Variants in UBP1 observed in about 807,000 individuals in gnomAD.
UBP1 encodes the protein upstream binding protein 1, also known as upstream-binding protein 1.
In UBP1, 22 loss-of-function variants were observed where a neutral mutation model predicts 76.1. The observed-to-expected ratio is 0.29, with a 90% confidence interval of 0.21 to 0.41. UBP1 has a LOEUF of 0.41. Ranked by LOEUF, UBP1 falls within the 10% of genes least tolerant of loss-of-function variation. The pLI is 1.00. For synonymous variants in UBP1, 224 were observed against 237.1 expected, an observed-to-expected ratio of 0.94 and a Z score of 0.51; for missense variants, 436 against 668.1, an observed-to-expected ratio of 0.65 and a Z score of 3.83.
Position 33,425,738 on chromosome 3 carries a change from A to T in UBP1, c.117T>A (p.Asp39Glu). 1 of 1,576,582 alleles carries T rather than the reference A, an allele frequency of 6.3e-7. No individual in the cohort carries two copies. Among genetic ancestry groups the T allele is most frequent in the Non-Finnish European group, 8.7e-7 (1 of 1,151,270 alleles). The change falls in exon 2 of 16, where the codon GAT (aspartate) becomes GAA (glutamate). Residue 39 changes from aspartate to glutamate, a missense_variant. Around this residue, in one of 3 missense-constraint regions of UBP1, gnomAD observed 161 missense variants for 237.9 expected, o/e 0.68. Coordinates refer to ENST00000283629, the MANE Select transcript of UBP1 (RefSeq NM_014517.5). ...ELGAGAYSMS[D>E]VLALPIFKQE... ...GCTTGAAAATGGGCAATGCCAAGAC[A>T]TCACTGAAAAGCAAAAAATCAACAC...
intron 2 of UBP1, among the ~76,000 whole-genome samples, chr3:33,417,109 C>G (rs138075151): frequency 6.6e-6 from 1 of 152,306 alleles, no homozygotes; most frequent in East Asian, 1.9e-4. Flanking sequence ...TTACCTAAGA[C>G]TAATTTTTGT....
chr3:33,434,195 A>G (rs1302939118), intron 1 of UBP1, among the ~76,000 whole-genome samples: 1 of 152,044 alleles, frequency 6.6e-6, no homozygotes, highest in African/African-American at 2.4e-5. Flanking sequence ...AAAAATCTAT[A>G]GACAAACAAT....
intron 1 of UBP1, among the ~76,000 whole-genome samples, 200 bp from the exon 2 acceptor site, chr3:33,425,941 A>C (rs1347384361): frequency 6.9e-6 from 1 of 145,084 alleles, no homozygotes; most frequent in African/African-American, 2.6e-5. Flanking sequence ...AAAGGATGGC[A>C]TTAACAACCC....
At chr3:33,437,717 G>A (rs1354042861) in intron 1 of UBP1, among the ~76,000 whole-genome samples, 2 of 152,156 alleles carry the variant, frequency 1.3e-5, no homozygotes, top group African/African-American at 4.8e-5. Context: ...TGCTCAAGCT[G>A]GCCATTCATA....
Position 33,425,757 on chromosome 3 carries a change from T to G in UBP1, c.114-16A>C, listed in dbSNP as rs1265276550. 6.4e-7 allele frequency: 1 copy of G among 1,565,976 alleles called. No homozygotes were observed. The highest frequency in any genetic ancestry group is 1.3e-5 in the African/African-American group (1 of 74,362). On this transcript the variant is annotated splice_polypyrimidine_tract_variant and intron_variant, in intron 1 of 15. Coordinates refer to ENST00000283629, the MANE Select transcript of UBP1 (RefSeq NM_014517.5). Reference sequence around the variant, plus strand: ...CAAGACATCACTGAAAAGCAAAAAATCAACACTGACCTTACTTTGGGTTTG... The same window carrying G: ...CAAGACATCACTGAAAAGCAAAAAAGCAACACTGACCTTACTTTGGGTTTG...
intron 8 of UBP1, chr3:33,403,434 C>A (rs990774268): frequency 4.2e-5 from 7 of 168,014 alleles, no homozygotes; most frequent in Non-Finnish European, 2.6e-5. Context: ...TCAAGACAGA[C>A]CAGACAGGCC....
chr3:33,428,181 C>CAAAAAAAAAAAAAA (rs59049122), intron 1 of UBP1, among the ~76,000 whole-genome samples: 1 of 57,236 alleles, frequency 1.7e-5, no homozygotes. Context: ...GATTCCATCT[C>CAAAAAAAAAAAAAA]AAAAAAAAAA....
rs1256713409 is a variant in UBP1, at chr3:33,411,566, T to C, written c.555+15A>G. Reference sequence around the variant, plus strand: ...AACTAGGTTAGTAAGCTTCTAATAATGTAAAAATCCAAACCTGAATGAAAG... The same window carrying C: ...AACTAGGTTAGTAAGCTTCTAATAACGTAAAAATCCAAACCTGAATGAAAG... On this transcript the variant is annotated intron_variant, in intron 5 of 15. Coordinates refer to ENST00000283629, the MANE Select transcript of UBP1 (RefSeq NM_014517.5). The C allele has an allele frequency of 1.2e-6, 2 of 1,610,930 alleles. No homozygotes were observed. Among genetic ancestry groups the C allele is most frequent in the East Asian group, 2.2e-5 (1 of 44,850 alleles).
Position 33,439,717 on chromosome 3 carries a change from C to T in UBP1, c.113+19G>A. 1 of 1,609,340 alleles carries T rather than the reference C, an allele frequency of 6.2e-7. No individual in the cohort carries two copies. The highest frequency in any genetic ancestry group is 8.5e-7 in the Non-Finnish European group (1 of 1,177,942). On this transcript the variant is annotated intron_variant, in intron 1 of 15. Coordinates refer to ENST00000283629, the MANE Select transcript of UBP1 (RefSeq NM_014517.5). ...CCCCAAGGAGACAGAGGCTTCTCCC[C>T]GCCCAGGGAGCCCAGTACCTCATGC...
At chr3:33,397,382 G>C (rs2044042184) in intron 11 of UBP1, 2 of 340,346 alleles carry the variant, frequency 5.9e-6, no homozygotes, top group Non-Finnish European at 1.1e-5. Flanking sequence ...TCAAATCAAT[G>C]AGAGCAGGGC....
At chr3:33,403,238 C>A in intron 8 of UBP1, 1 of 241,708 alleles carries the variant, frequency 4.1e-6, no homozygotes, top group Non-Finnish European at 8.2e-6. Context: ...TATCAGTTTC[C>A]CAACAGGCAC....
intron 13 of UBP1, among the ~76,000 whole-genome samples, chr3:33,394,517 T>TTCCA (rs144129108): frequency 0.3 from 44,894 of 151,856 alleles, 7,647 homozygotes; most frequent in East Asian, 0.5. Flanking sequence ...CCCAGCCACA[T>TTCCA]TCCAGTGTTC....
chr3:33,428,181 C>CAA (rs59049122), intron 1 of UBP1, among the ~76,000 whole-genome samples: 10,472 of 56,012 alleles, frequency 0.19, 1,278 homozygotes, highest in Admixed American at 0.2. Flanking sequence ...GATTCCATCT[C>CAA]AAAAAAAAAA....
intron 4 of UBP1, among the ~76,000 whole-genome samples, 162 bp downstream of exon 4, chr3:33,412,560 C>T (rs777796198): frequency 2.7e-5 from 4 of 145,570 alleles, no homozygotes; most frequent in African/African-American, 7.7e-5. Context: ...TTATCCTGGG[C>T]GAGAGAGCAA....
intron 8 of UBP1, chr3:33,403,390 T>C (rs2044303446): frequency 5.2e-6 from 1 of 192,912 alleles, no homozygotes; most frequent in Admixed American, 5.4e-5. Context: ...CAGTACCCAT[T>C]TGCTTCTCTG....
intron 14 of UBP1, 94 bp from the exon 15 acceptor site, chr3:33,392,708 C>CTCAA (rs1001447944): frequency 3.5e-5 from 43 of 1,227,804 alleles, no homozygotes; most frequent in Non-Finnish European, 4.5e-5. Context: ...CTCAAACAAA[C>CTCAA]ACAGGACTCA....
intron 15 of UBP1, 107 bp downstream of exon 15, chr3:33,392,456 A>G (rs781731744): frequency 1.1e-4 from 105 of 956,072 alleles, no homozygotes; most frequent in Non-Finnish European, 1.5e-4. Flanking sequence ...TCTTCTTAAA[A>G]TGAGTAAAGC....
At chr3:33,413,605 A>G (rs2044652079) in intron 3 of UBP1, among the ~76,000 whole-genome samples, 1 of 151,548 alleles carries the variant, frequency 6.6e-6, no homozygotes, top group South Asian at 2.1e-4. Flanking sequence ...TAAAACAAAA[A>G]TCCGAAACAC....
At chr3:33,427,486 C>T (rs2045037939) in intron 1 of UBP1, among the ~76,000 whole-genome samples, 1 of 152,104 alleles carries the variant, frequency 6.6e-6, no homozygotes, top group Non-Finnish European at 1.5e-5. Flanking sequence ...GTATCAACAC[C>T]AATAATAGGG....
Sources: allele counts gnomAD v4.1 joint callset (sites outside exome capture counted in the v4.1 genomes callset), GRCh38; gene constraint gnomAD v4.1.1; regional missense constraint gnomAD v4.1.1; transcripts MANE v1.5; gene names NCBI Gene and HGNC (gene_info 2026-07-23, HGNC 2026-07-21).